GALNT13: variants seen among roughly 807,000 people sequenced by gnomAD.
GALNT13 encodes the protein polypeptide N-acetylgalactosaminyltransferase 13, also known as UDP-GalNAc:polypeptide N-acetylgalactosaminyltransferase 13.
A neutral mutation model predicts 64.2 loss-of-function variants in GALNT13; 28 were observed. That is an observed-to-expected ratio of 0.44 (90% confidence interval 0.32 to 0.60). The LOEUF is 0.60. Ranked by LOEUF, GALNT13 falls within the 20% of genes least tolerant of loss-of-function variation. The pLI, the probability that GALNT13 is intolerant of heterozygous loss-of-function variation, is 0.05. For synonymous variants in GALNT13, 214 were observed against 224.6 expected (o/e 0.95, Z 0.42); for missense variants, 577 against 669.8 (o/e 0.86, Z 1.53).
chr2:153,315,615 T>C, the GALNT13 span, among the ~76,000 whole-genome samples: 1 of 152,222 alleles, frequency 6.6e-6, no homozygotes, highest in Admixed American at 6.5e-5. Flanking sequence ...CATTCCATTA[T>C]TGATACAATA....
At chr2:154,009,544 G>T (rs1337494712) in intron 3 of GALNT13, among the ~76,000 whole-genome samples, 1 of 147,004 alleles carries the variant, frequency 6.8e-6, no homozygotes, top group African/African-American at 2.5e-5. Flanking sequence ...TTGCCCAAGT[G>T]CAGTGGCATG....
At chr2:153,964,269 C>T (rs1693168466) in intron 3 of GALNT13, among the ~76,000 whole-genome samples, 1 of 152,050 alleles carries the variant, frequency 6.6e-6, no homozygotes, top group Non-Finnish European at 1.5e-5. Flanking sequence ...GGCAACATGG[C>T]GAAAAGCCAT....
At chr2:154,141,980 A>G (rs1376554992) in intron 4 of GALNT13, among the ~76,000 whole-genome samples, 1 of 152,192 alleles carries the variant, frequency 6.6e-6, no homozygotes, top group Non-Finnish European at 1.5e-5. Context: ...TAATTCTAAT[A>G]TATGGTCCTC....
the GALNT13 span, among the ~76,000 whole-genome samples, chr2:153,109,881 G>T: frequency 6.6e-6 from 1 of 152,038 alleles, no homozygotes; most frequent in African/African-American, 2.4e-5. Context: ...TGTTCTGCTT[G>T]AAATATTAAA....
chr2:153,411,136 G>T, the GALNT13 span, among the ~76,000 whole-genome samples: 2 of 150,026 alleles, frequency 1.3e-5, no homozygotes, highest in Non-Finnish European at 3.0e-5. Flanking sequence ...TATTACAAGC[G>T]TGAGCCACTG....
chr2:153,098,714 T>C, the GALNT13 span, among the ~76,000 whole-genome samples: 1 of 152,240 alleles, frequency 6.6e-6, no homozygotes, highest in African/African-American at 2.4e-5. Flanking sequence ...TTAGATATTA[T>C]AAATTATGCT....
chr2:153,685,258 A>G, the GALNT13 span, among the ~76,000 whole-genome samples: 1 of 151,940 alleles, frequency 6.6e-6, no homozygotes. Context: ...GAACTAAATT[A>G]CATTCCCACC....
intron 3 of GALNT13, among the ~76,000 whole-genome samples, chr2:153,947,348 TA>T (rs1411918754): frequency 6.6e-6 from 1 of 151,998 alleles, no homozygotes; most frequent in Non-Finnish European, 1.5e-5. Context: ...TGTGTGCGTG[TA>T]ATCATGTGCC....
the GALNT13 span, among the ~76,000 whole-genome samples, chr2:153,779,964 T>C: frequency 6.6e-6 from 1 of 152,018 alleles, no homozygotes; most frequent in Non-Finnish European, 1.5e-5. Context: ...ACGTAATGTA[T>C]TCATTTTTTT....
the GALNT13 span, among the ~76,000 whole-genome samples, chr2:153,262,651 C>A: frequency 6.6e-6 from 1 of 152,064 alleles, no homozygotes; most frequent in Non-Finnish European, 1.5e-5. Context: ...TTCAACATAT[C>A]CAAATTAATA....
At chr2:154,171,457 G>A (rs1217441272) in intron 4 of GALNT13, among the ~76,000 whole-genome samples, 1 of 152,058 alleles carries the variant, frequency 6.6e-6, no homozygotes, top group Non-Finnish European at 1.5e-5. Flanking sequence ...TGAAAATCAA[G>A]ACAATGCATG....
chr2:153,390,627 A>G, the GALNT13 span, among the ~76,000 whole-genome samples: 1 of 152,132 alleles, frequency 6.6e-6, no homozygotes, highest in African/African-American at 2.4e-5. Context: ...TTAGTATTAC[A>G]TATCATTTAC....
At chr2:154,185,276 C>G (rs2105740598) in intron 4 of GALNT13, among the ~76,000 whole-genome samples, 1 of 152,018 alleles carries the variant, frequency 6.6e-6, no homozygotes, top group South Asian at 2.1e-4. Flanking sequence ...TTTCAAAATT[C>G]TCTCTTTGTC....
chr2:153,365,983 A>C, the GALNT13 span, among the ~76,000 whole-genome samples: 9 of 152,194 alleles, frequency 5.9e-5, no homozygotes, highest in Admixed American at 1.3e-4. Flanking sequence ...AATGACTTGG[A>C]ACTAACCCAA....
chr2:153,332,851 A>G, the GALNT13 span, among the ~76,000 whole-genome samples: 3 of 152,206 alleles, frequency 2.0e-5, no homozygotes, highest in Non-Finnish European at 2.9e-5. Context: ...CCAATGTACC[A>G]TGATCACAGG....
At chr2:154,005,401 T>C (rs1359191243) in intron 3 of GALNT13, among the ~76,000 whole-genome samples, 1 of 152,198 alleles carries the variant, frequency 6.6e-6, no homozygotes, top group Non-Finnish European at 1.5e-5. Context: ...GTGCCCACTA[T>C]GATATTTTTT....
At chr2:153,149,300 C>A in the GALNT13 span, among the ~76,000 whole-genome samples, 1 of 151,720 alleles carries the variant, frequency 6.6e-6, no homozygotes, top group African/African-American at 2.4e-5. Flanking sequence ...GAAATCAGCG[C>A]CTCATCTATT....
At chr2:154,356,341 T>G (rs1368010074) in intron 9 of GALNT13, among the ~76,000 whole-genome samples, 1 of 152,052 alleles carries the variant, frequency 6.6e-6, no homozygotes, top group African/African-American at 2.4e-5. Context: ...TTTAAGAGTC[T>G]GAGAATTGCT....
the GALNT13 span, among the ~76,000 whole-genome samples, chr2:153,293,783 GTGTGTGTGTC>G: frequency 2.4e-5 from 3 of 124,444 alleles, no homozygotes; most frequent in Non-Finnish European, 5.1e-5. Flanking sequence ...GTGTGTGTGT[GTGTGTGTGTC>G]TGTGTGTGTG....
Sources: allele counts gnomAD v4.1 joint callset (sites outside exome capture counted in the v4.1 genomes callset), GRCh38; gene constraint gnomAD v4.1.1; transcripts MANE v1.5; gene names NCBI Gene and HGNC (gene_info 2026-07-23, HGNC 2026-07-21).